The following CABLES1 variants were observed in gnomAD, a reference collection of about 807,000 sequenced individuals.
CABLES1 encodes the protein Cdk5 and Abl enzyme substrate 1.
Under a neutral mutation model 57.8 loss-of-function variants are expected in CABLES1, and 36 were observed. The observed-to-expected ratio is 0.62, with a 90% confidence interval of 0.48 to 0.82. The LOEUF is 0.82. CABLES1 is among the 40% of genes least tolerant of loss of function. CABLES1 has a pLI of 0.00. For synonymous variants in CABLES1, 374 were observed against 363.0 expected (o/e 1.03, Z -0.35); for missense variants, 767 against 836.6 (o/e 0.92, Z 1.03).
chr18:23,200,930 C>CGCCA (rs1383141639), intron 3 of CABLES1, among the ~76,000 whole-genome samples: 1 of 152,166 alleles, frequency 6.6e-6, no homozygotes, highest in Non-Finnish European at 1.5e-5. Flanking sequence ...GTGGTATTCC[C>CGCCA]GCCAGCGTTA....
intron 3 of CABLES1, among the ~76,000 whole-genome samples, chr18:23,212,378 T>C (rs541826902): frequency 6.6e-6 from 1 of 152,304 alleles, no homozygotes; most frequent in African/African-American, 2.4e-5. Flanking sequence ...AGAATGAGGC[T>C]CAGAAGTGTT....
At chr18:23,194,593 C>T in intron 3 of CABLES1, 53 bp downstream of exon 3, 1 of 1,214,682 alleles carries the variant, frequency 8.2e-7, no homozygotes, top group Non-Finnish European at 1.2e-6. Flanking sequence ...GAGACAGGGA[C>T]TGGAGGAGGG....
chr18:23,198,410 A>G (rs1408561725), intron 3 of CABLES1, among the ~76,000 whole-genome samples: 1 of 152,230 alleles, frequency 6.6e-6, no homozygotes, highest in Admixed American at 6.5e-5. Flanking sequence ...AATACAAATA[A>G]TCCTTGAAAC....
chr18:23,136,664 C>T (rs142120848), intron 1 of CABLES1, 57 bp downstream of exon 1: 51,843 of 1,158,224 alleles, frequency 0.045, 1,388 homozygotes, highest in South Asian at 0.093. Flanking sequence ...GCGCTCCCAG[C>T]CTCCCCGCGG....
In CABLES1 at chr18:23,252,952, T is replaced by G. The variant is rs752683945; in HGVS notation, c.1447-8T>G. On this transcript the variant is annotated splice_polypyrimidine_tract_variant and splice_region_variant and intron_variant, in intron 7 of 9. Transcript: ENST00000256925. ...AAGGAGTGATCCGTGTTCCCCTGTC[T>G]GTTACAGACAACAGTGATTGACTAC... is the stretch of plus-strand genomic sequence containing the variant. 10 of 1,582,370 alleles carry G rather than the reference T, an allele frequency of 6.3e-6. No homozygotes were observed. In the South Asian group the frequency reaches 1.1e-4, roughly 18 times the overall value.
chr18:23,219,979 T>G (rs180860951), intron 4 of CABLES1, among the ~76,000 whole-genome samples: 251 of 152,266 alleles, frequency 1.6e-3, no homozygotes, highest in Non-Finnish European at 2.4e-3. Context: ...TTTCTTGGTG[T>G]GGGCCGCGAG....
intron 7 of CABLES1, among the ~76,000 whole-genome samples, chr18:23,243,534 A>G (rs528241809): frequency 1.1e-4 from 15 of 140,460 alleles, no homozygotes; most frequent in African/African-American, 3.7e-4. Context: ...TTCCAACACC[A>G]TACAATTCAC....
At chr18:23,184,799 G>A (rs2047191241) in intron 1 of CABLES1, among the ~76,000 whole-genome samples, 1 of 152,210 alleles carries the variant, frequency 6.6e-6, no homozygotes, top group South Asian at 2.1e-4. Context: ...GGGGTCAGAT[G>A]AGGGCTCTTC....
intron 1 of CABLES1, among the ~76,000 whole-genome samples, chr18:23,142,706 A>C (rs2144949929): frequency 6.6e-6 from 1 of 152,316 alleles, no homozygotes; most frequent in South Asian, 2.1e-4. Flanking sequence ...GAGGCATAAA[A>C]CATGGTCCCT....
intron 3 of CABLES1, 89 bp downstream of exon 3, chr18:23,194,629 C>T: frequency 1.2e-6 from 1 of 812,632 alleles, no homozygotes; most frequent in South Asian, 1.4e-5. Flanking sequence ...CAAAACTCAG[C>T]AAACGCAAGC....
rs560686007 is a variant in CABLES1 at position 23,174,751 on chromosome 18, T to C, written c.846-14087T>C. ...CCTCCCAAAGTGCTGGGATTACAGG[T>C]GTGAGCCCACCGCGCCCGGCCTGTG... On this transcript the variant is annotated intron_variant, in intron 1 of 9. Transcript: ENST00000256925. 2.6e-4 allele frequency among the ~76,000 whole-genome samples: 38 copies of C among 148,482 alleles called. No homozygotes were observed. The Middle Eastern group carries it at 0.01, about 40-fold the overall frequency.
At chr18:23,184,137 A>G (rs2047186017) in intron 1 of CABLES1, among the ~76,000 whole-genome samples, 1 of 152,166 alleles carries the variant, frequency 6.6e-6, no homozygotes, top group African/African-American at 2.4e-5. Flanking sequence ...GGTAGTTCCA[A>G]GTTCTCTTCT....
At chr18:23,237,460 CCAG>C (rs2047631235) in intron 7 of CABLES1, among the ~76,000 whole-genome samples, 1 of 152,228 alleles carries the variant, frequency 6.6e-6, no homozygotes, top group South Asian at 2.1e-4. Context: ...GGCTGGGCTG[CCAG>C]TGTCCACAAA....
chr18:23,182,109 G>A (rs2047171582), intron 1 of CABLES1, among the ~76,000 whole-genome samples: 1 of 152,168 alleles, frequency 6.6e-6, no homozygotes, highest in African/African-American at 2.4e-5. Context: ...GTTGGCCCAG[G>A]TATTTACCCA....
At chr18:23,154,928 A>G (rs1406616528) in intron 1 of CABLES1, among the ~76,000 whole-genome samples, 1 of 152,206 alleles carries the variant, frequency 6.6e-6, no homozygotes, top group Non-Finnish European at 1.5e-5. Context: ...TCATTTACCC[A>G]TCCAGCCCCT....
At chr18:23,224,595 G>T (rs1159573562) in intron 4 of CABLES1, among the ~76,000 whole-genome samples, 1 of 123,108 alleles carries the variant, frequency 8.1e-6, no homozygotes, top group Non-Finnish European at 1.6e-5. Flanking sequence ...TGGAGACAGA[G>T]TCTCTCTCAG....
At chr18:23,174,821 C>CATATATATATATATATATAT (rs569579022) in intron 1 of CABLES1, among the ~76,000 whole-genome samples, 56 of 94,552 alleles carry the variant, frequency 5.9e-4, no homozygotes, top group African/African-American at 1.1e-3. Context: ...CATGTTACAC[C>CATATATATATATATATATAT]ATATATATAT....
At position 23,246,485 on chromosome 18, in the gene CABLES1, G is replaced by A. The variant is rs552306281; in HGVS notation, c.1447-6475G>A. 6.6e-3 allele frequency among the ~76,000 whole-genome samples: 1,002 copies of A among 151,698 alleles called. 7 individuals carry two copies. Among genetic ancestry groups the A allele is most frequent in the South Asian group, 0.032 (152 of 4,800 alleles). ...TGGCTCACTGCAAGCTCCGCCTCCC[G>A]GGTTCACGCCATTCTCCTGCGTCAG... On this transcript the variant is annotated intron_variant, in intron 7 of 9. Transcript: ENST00000256925.
chr18:23,230,887 C>T (rs188224760), intron 4 of CABLES1, among the ~76,000 whole-genome samples: 2 of 152,294 alleles, frequency 1.3e-5, no homozygotes, highest in African/African-American at 2.4e-5. Flanking sequence ...CTGTCACACC[C>T]GCCCCGTGAC....
Sources: allele counts gnomAD v4.1 joint callset (sites outside exome capture counted in the v4.1 genomes callset), GRCh38; gene constraint gnomAD v4.1.1; transcripts MANE v1.5; gene names NCBI Gene and HGNC (gene_info 2026-07-23, HGNC 2026-07-21).